Variants in TP53BP1 observed in about 807,000 individuals in gnomAD.
TP53BP1 encodes tumor protein p53 binding protein 1, also known as TP53-binding protein 1.
Under a neutral mutation model 200.8 loss-of-function variants are expected in TP53BP1, and 61 were observed. The observed-to-expected ratio is 0.30, with a 90% CI of 0.25 to 0.38. The LOEUF (loss-of-function observed/expected upper bound fraction) is 0.38, where lower values mean the gene tolerates loss of function less well. TP53BP1 is among the 10% of genes least tolerant of loss of function. The pLI, the probability that TP53BP1 is intolerant of heterozygous loss-of-function variation, is 1.00. For synonymous variants in TP53BP1, 822 were observed against 844.3 expected (o/e 0.97, Z 0.46); for missense variants, 2,144 against 2,371.9 (o/e 0.90, Z 2.00).
chr15:43,470,149 C>T (rs1595597684), intron 10 of TP53BP1, 83 bp from the exon 11 acceptor site: 2 of 1,132,470 alleles, frequency 1.8e-6, no homozygotes, highest in Non-Finnish European at 2.6e-6. Flanking sequence ...AACAATTACA[C>T]TACAGACATT....
At chr15:43,508,721 GA>G (rs2079252082) in intron 1 of TP53BP1, among the ~76,000 whole-genome samples, 1 of 152,212 alleles carries the variant, frequency 6.6e-6, no homozygotes, top group South Asian at 2.1e-4. Context: ...AAGGAAAGAG[GA>G]GGATAATTAA....
rs1379145360 is a variant in TP53BP1 at position 43,405,496 on chromosome 15, G to A, written c.*1887C>T. On this transcript the variant is annotated 3_prime_UTR_variant, in exon 28 of 28. Transcript: ENST00000382044. The stretch of plus-strand genomic sequence containing the variant: ...TTCATTTATTCAATAGTCATTTATT[G>A]AGCACCTACTACGTACCTTGGTACT... 2 of 512,096 alleles carry A rather than the reference G, an allele frequency of 3.9e-6. No individual in the cohort carries two copies. The highest frequency in any genetic ancestry group is 3.3e-5 in the East Asian group (1 of 30,144). The allele number at this position is 512,096 out of a possible 1,614,324, so 31.7% of individuals were successfully genotyped here.
At chr15:43,498,899 T>C (rs1422693682) in intron 1 of TP53BP1, among the ~76,000 whole-genome samples, 2 of 151,842 alleles carry the variant, frequency 1.3e-5, no homozygotes, top group Non-Finnish European at 2.9e-5. Flanking sequence ...GCACCTGACA[T>C]AGGAACAGCA....
At chr15:43,451,127 C>T (rs2046156330) in intron 12 of TP53BP1, among the ~76,000 whole-genome samples, 1 of 152,016 alleles carries the variant, frequency 6.6e-6, no homozygotes, top group Admixed American at 6.6e-5. Context: ...CAAAACTCAC[C>T]CAATTCACAC....
At chr15:43,493,282 ACGG>A, upstream of TP53BP1, 1 of 1,354,484 alleles carries the variant, frequency 7.4e-7, no homozygotes, top group Non-Finnish European at 9.7e-7. Context: ...AAAAAGGAAC[ACGG>A]CGGCGCGTTT....
chr15:43,414,213 T>A (rs904864954), intron 23 of TP53BP1: 7 of 427,244 alleles, frequency 1.6e-5, no homozygotes, highest in Non-Finnish European at 3.4e-5. Context: ...AAAGTTTGAA[T>A]CCTGGCTTAC....
At chr15:43,466,454 T>C (rs182357828) in intron 11 of TP53BP1, among the ~76,000 whole-genome samples, 25 of 152,360 alleles carry the variant, frequency 1.6e-4, no homozygotes, top group Non-Finnish European at 2.8e-4. Flanking sequence ...ATTAATAATA[T>C]GTCATAGGCT....
At chr15:43,451,885 G>A (rs1031943370) in intron 12 of TP53BP1, among the ~76,000 whole-genome samples, 12 of 152,084 alleles carry the variant, frequency 7.9e-5, no homozygotes, top group African/African-American at 1.9e-4. Context: ...CTGTAATCCC[G>A]GCACTTTGAG....
intron 23 of TP53BP1, chr15:43,415,271 A>ACG: frequency 1.5e-5 from 5 of 334,552 alleles, no homozygotes; most frequent in Non-Finnish European, 2.8e-5. Context: ...GCAATGGTGC[A>ACG]ATTTCGGCTC....
At chr15:43,441,130 T>G (rs1379735333) in intron 15 of TP53BP1, 1 of 161,912 alleles carries the variant, frequency 6.2e-6, no homozygotes, top group African/African-American at 2.4e-5. Flanking sequence ...GAAGAGAAAA[T>G]GACCTGAGGC....
chr15:43,496,353 T>C (rs1277119131), upstream of TP53BP1, among the ~76,000 whole-genome samples: 3 of 152,224 alleles, frequency 2.0e-5, no homozygotes, highest in Non-Finnish European at 2.9e-5. Flanking sequence ...TTTGGTCCTA[T>C]AATTATATAA....
intron 4 of TP53BP1, among the ~76,000 whole-genome samples, chr15:43,485,567 A>T (rs2079034739): frequency 6.7e-6 from 1 of 149,868 alleles, no homozygotes; most frequent in Non-Finnish European, 1.5e-5. Flanking sequence ...ACAGAGCGAG[A>T]CGCCGTCTCA....
At chr15:43,441,632 A>C in intron 14 of TP53BP1, 49 bp from the exon 15 acceptor site, 2 of 1,306,302 alleles carry the variant, frequency 1.5e-6, no homozygotes, top group East Asian at 4.6e-5. Context: ...AACAGAATTT[A>C]GTTAGTATCA....
rs1206919288 is a variant in TP53BP1 at position 43,404,741 on chromosome 15, A to G, written c.*2642T>C. ...TTTTCTAGTAGAAGTCATCATCATC[A>G]TAAAATACTAAAAAACCTGACAGTG... is the stretch of plus-strand genomic sequence containing the variant. On this transcript the variant is annotated 3_prime_UTR_variant, in exon 28 of 28. Coordinates refer to ENST00000382044, the MANE Select transcript of TP53BP1 (RefSeq NM_001141980.3). 3.1e-6 allele frequency: 2 copies of G among 647,352 alleles called. No individual in the cohort carries two copies. The highest frequency in any genetic ancestry group is 3.7e-5 in the African/African-American group (2 of 54,756). The allele number at this position is 647,352 out of a possible 1,614,324, so 40.1% of individuals were successfully genotyped here.
intron 14 of TP53BP1, among the ~76,000 whole-genome samples, chr15:43,443,653 C>T (rs1205514600): frequency 6.6e-6 from 1 of 152,124 alleles, no homozygotes; most frequent in Non-Finnish European, 1.5e-5. Flanking sequence ...TGAGATCACC[C>T]CATTGCACTC....
intron 1 of TP53BP1, among the ~76,000 whole-genome samples, chr15:43,505,626 A>G (rs1271716926): frequency 2.0e-5 from 3 of 152,196 alleles, no homozygotes; most frequent in Non-Finnish European, 4.4e-5. Flanking sequence ...TGCTCTGCCC[A>G]TTTACTTAAT....
At position 43,405,123 on chromosome 15, in the gene TP53BP1, G is replaced by C. The variant is rs1408983368; in HGVS notation, c.*2260C>G. 1 of 1,516,502 alleles carries C rather than the reference G, an allele frequency of 6.6e-7. No homozygotes were observed. The highest frequency in any genetic ancestry group is 9.2e-7 in the Non-Finnish European group (1 of 1,092,760). The allele number at this position is 1,516,502 out of a possible 1,614,324, so 93.9% of individuals were successfully genotyped here. On this transcript the variant is annotated 3_prime_UTR_variant, in exon 28 of 28. Coordinates refer to ENST00000382044, the MANE Select transcript of TP53BP1 (RefSeq NM_001141980.3). Reference sequence around the variant, plus strand: ...TTAAGATGACATTATTTAGATCACAGGTTATCCTGATTCATATTTCTTTGA... The same window carrying C: ...TTAAGATGACATTATTTAGATCACACGTTATCCTGATTCATATTTCTTTGA...
chr15:43,498,535 AAG>A (rs956805908), intron 1 of TP53BP1, among the ~76,000 whole-genome samples: 1 of 151,652 alleles, frequency 6.6e-6, no homozygotes, highest in Admixed American at 6.6e-5. Flanking sequence ...TCCAAAGAGA[AAG>A]AGAGAGAGAG....
chr15:43,509,895 G>A (rs890425899), intron 1 of TP53BP1, among the ~76,000 whole-genome samples: 11 of 152,112 alleles, frequency 7.2e-5, no homozygotes, highest in Non-Finnish European at 1.0e-4. Context: ...AAGTGCTGCT[G>A]GAGCCCTAGG....
Sources: allele counts gnomAD v4.1 joint callset (sites outside exome capture counted in the v4.1 genomes callset), GRCh38; gene constraint gnomAD v4.1.1; transcripts MANE v1.5; gene names NCBI Gene and HGNC (gene_info 2026-07-23, HGNC 2026-07-21).